TTPAL: variants seen among roughly 807,000 people sequenced by gnomAD.
TTPAL encodes the protein alpha-tocopherol transfer protein-like.
In TTPAL, 21 loss-of-function variants were observed where a neutral mutation model predicts 28.7. The ratio of observed to expected loss-of-function variants is 0.73; its 90% CI spans 0.52 to 1.06. The LOEUF (loss-of-function observed/expected upper bound fraction) is 1.06, where lower values mean the gene tolerates loss of function less well. TTPAL is among the 50% of genes least tolerant of loss of function. The pLI is 0.00. For missense variants in TTPAL, 345 were observed against 425.5 expected (o/e 0.81, Z 1.67); for synonymous variants, 169 against 171.9 (o/e 0.98, Z 0.13).
chr20:44,480,308 CAGCTGTAGAAGA>C lies in TTPAL; in HGVS notation c.315_326del (p.Cys105_Ser108del). On this transcript the variant is annotated inframe_deletion, in exon 2 of 5. Transcript: ENST00000262605. This position sits in a 1 kb window ranked among gnomAD's most constrained non-coding sequence, Gnocchi z 4.1. ...CCCTGCAGCTCCTCGTCAACTACCACAGCTGTAGAAGAAGCTGGCCCGAAGTCTTCAATAACT... is the reference window on the plus strand; with the variant it reads ...CCCTGCAGCTCCTCGTCAACTACCACAGCTGGCCCGAAGTCTTCAATAACT... 1 of 1,614,224 alleles carries C rather than the reference CAGCTGTAGAAGA, an allele frequency of 6.2e-7. No homozygotes were observed. The highest frequency in any genetic ancestry group is 2.2e-5 in the East Asian group (1 of 44,880).
At chr20:44,489,032 C>T (rs1040396212) in intron 4 of TTPAL, among the ~76,000 whole-genome samples, 5 of 152,078 alleles carry the variant, frequency 3.3e-5, no homozygotes, top group African/African-American at 7.3e-5. Flanking sequence ...GGTGGTGAGG[C>T]GGCTGGATCC....
At chr20:44,482,269 C>A (rs2064112369) in intron 2 of TTPAL, among the ~76,000 whole-genome samples, 1 of 152,128 alleles carries the variant, frequency 6.6e-6, no homozygotes, top group Non-Finnish European at 1.5e-5. Context: ...CATATCAGGT[C>A]AGGTGTGGTG....
intron 1 of TTPAL, chr20:44,478,638 A>T (rs1448207051): frequency 6.6e-6 from 1 of 152,262 alleles, no homozygotes; most frequent in African/African-American, 2.4e-5. Context: ...GTTCCAAGAG[A>T]TAACCATTGG....
Position 44,489,451 on chromosome 20 carries a change from C to A in TTPAL, c.939C>A (p.Gly313=), listed in dbSNP as rs2064184108. The A allele has an allele frequency of 1.9e-6, 3 of 1,614,210 alleles. No individual in the cohort carries two copies. Among genetic ancestry groups the A allele is most frequent in the Non-Finnish European group, 2.5e-6 (3 of 1,180,036 alleles). ...QPVPACDSIL[G]QTLLPEGLTS... is the part of the protein sequence containing the mutation. ...TTCCTGCCTGTGACAGCATCCTGGGCCAGACGCTGCTGCCCGAGGGCCTGA... is the reference window on the plus strand; with the variant it reads ...TTCCTGCCTGTGACAGCATCCTGGGACAGACGCTGCTGCCCGAGGGCCTGA... The change falls in exon 5 of 5, where the codon GGC becomes GGA. Residue 313 remains glycine (G), a synonymous_variant. Transcript: ENST00000262605.
chr20:44,481,236 C>T (rs2064102253), intron 2 of TTPAL, among the ~76,000 whole-genome samples: 1 of 152,144 alleles, frequency 6.6e-6, no homozygotes, highest in Admixed American at 6.6e-5. Context: ...CTCCCTGCCA[C>T]TAAAAGAGCA....
At chr20:44,478,541 G>A (rs1329445706) in intron 1 of TTPAL, 1 of 152,212 alleles carries the variant, frequency 6.6e-6, no homozygotes, top group East Asian at 1.9e-4. Flanking sequence ...CGACTGCCAC[G>A]ATAAGTTACA....
rs533871468 is a variant in TTPAL at position 44,493,541 on chromosome 20, G to T, written c.*4000G>T. 2.6e-5 allele frequency: 4 copies of T among 152,226 alleles called. No individual in the cohort carries two copies. Among genetic ancestry groups the T allele is most frequent in the African/African-American group, 9.7e-5 (4 of 41,396 alleles). 9.4% of individuals were successfully genotyped at this position (152,226 alleles called of 1,614,324 possible). On this transcript the variant is annotated 3_prime_UTR_variant, in exon 5 of 5. Coordinates refer to ENST00000262605, the MANE Select transcript of TTPAL (RefSeq NM_001039199.3). The stretch of plus-strand genomic sequence containing the variant: ...TTAAAGTTGCCAACATTTAATTAAG[G>T]TTTTCCTTTGAAGCCTCCTTTAATT...
intron 4 of TTPAL, among the ~76,000 whole-genome samples, chr20:44,488,831 T>C (rs2064176516): frequency 1.3e-5 from 2 of 152,018 alleles, no homozygotes; most frequent in South Asian, 4.1e-4. Context: ...TGAGGCTAGA[T>C]TATGATGGGC....
intron 1 of TTPAL, among the ~76,000 whole-genome samples, chr20:44,477,649 A>AT (rs1162500981): frequency 2.0e-5 from 3 of 151,340 alleles, no homozygotes; most frequent in African/African-American, 7.3e-5. Context: ...CTATCTATTT[A>AT]TTTATTTATT....
Position 44,489,467 on chromosome 20 carries a change from G to C in TTPAL, c.955G>C (p.Glu319Gln). The change falls in exon 5 of 5, where the codon GAG becomes CAG. Residue 319 changes from glutamate (E) to glutamine (Q), a missense_variant. Coordinates refer to ENST00000262605, the MANE Select transcript of TTPAL (RefSeq NM_001039199.3). The part of the protein sequence containing the change: ...DSILGQTLLP[E>Q]GLTSDAQCDD... ...CATCCTGGGCCAGACGCTGCTGCCC[G>C]AGGGCCTGACCTCAGATGCACAGTG... 1.2e-6 allele frequency: 2 copies of C among 1,614,188 alleles called. No homozygotes were observed. Among genetic ancestry groups the C allele is most frequent in the South Asian group, 2.2e-5 (2 of 91,074 alleles).
chr20:44,493,601 C>T lies in TTPAL; in HGVS notation c.*4060C>T, dbSNP rs1370474585. 2.6e-5 allele frequency: 4 copies of T among 152,344 alleles called. No individual in the cohort carries two copies. The highest frequency in any genetic ancestry group is 4.4e-5 in the Non-Finnish European group (3 of 68,044). The allele number at this position is 152,344 out of a possible 1,614,324, so 9.4% of individuals were successfully genotyped here. A position where few individuals can be genotyped will look rare whatever the true frequency, so the allele number is the denominator to read the frequency against. On this transcript the variant is annotated 3_prime_UTR_variant, in exon 5 of 5. Transcript: ENST00000262605. ...AAATGTTAGCTAAACCAATTATATA[C>T]TATATACTATACACTGTATCTCCTG...
chr20:44,493,911 G>C lies in TTPAL; in HGVS notation c.*4370G>C, dbSNP rs2064230574. 1 of 152,396 alleles carries C rather than the reference G, an allele frequency of 6.6e-6. No homozygotes were observed. Among genetic ancestry groups the C allele is most frequent in the Non-Finnish European group, 1.5e-5 (1 of 68,244 alleles). The allele number at this position is 152,396 out of a possible 1,614,324, so 9.4% of individuals were successfully genotyped here. A position where few individuals can be genotyped will look rare whatever the true frequency, so the allele number is the denominator to read the frequency against. ...AAATTAGCTGGGTGTGGTGGTGCGT[G>C]CCTGTAATCCCAACTACTTGGGAGG... is the stretch of plus-strand genomic sequence containing the variant. On this transcript the variant is annotated 3_prime_UTR_variant, in exon 5 of 5. Coordinates refer to ENST00000262605, the MANE Select transcript of TTPAL (RefSeq NM_001039199.3).
chr20:44,477,612 A>G (rs1240124103), intron 1 of TTPAL, among the ~76,000 whole-genome samples: 1 of 151,962 alleles, frequency 6.6e-6, no homozygotes, highest in African/African-American at 2.4e-5. Context: ...TGGTCCTTTT[A>G]AAATATATTT....
At chr20:44,487,911 G>A (rs2064167195) in intron 4 of TTPAL, among the ~76,000 whole-genome samples, 1 of 152,252 alleles carries the variant, frequency 6.6e-6, no homozygotes, top group South Asian at 2.1e-4. Context: ...TGGGATTACA[G>A]GCACGTGCCA....
chr20:44,479,399 G>GTTTTTTTTT (rs869123576), intron 1 of TTPAL, among the ~76,000 whole-genome samples: 2 of 81,564 alleles, frequency 2.5e-5, no homozygotes, highest in Non-Finnish European at 5.1e-5. Context: ...AATCTGAGTT[G>GTTTTTTTTT]TTTTTTTTTT....
chr20:44,477,677 T>A (rs1290078990), intron 1 of TTPAL, among the ~76,000 whole-genome samples: 1 of 149,506 alleles, frequency 6.7e-6, no homozygotes, highest in African/African-American at 2.5e-5. Context: ...TTATCTGAGA[T>A]AGCGTCTCGC....
intron 3 of TTPAL, 34 bp from the exon 4 acceptor site, chr20:44,486,562 A>G (rs1337443916): frequency 1.6e-6 from 2 of 1,288,948 alleles, no homozygotes; most frequent in East Asian, 2.3e-5. Context: ...AAGATTCTCC[A>G]GATGTTCTAA....
chr20:44,489,280 T>C lies in TTPAL; in HGVS notation c.768T>C (p.Ser256=). 3 of 1,613,886 alleles carry C rather than the reference T, an allele frequency of 1.9e-6. No individual in the cohort carries two copies. The highest frequency in any genetic ancestry group is 2.5e-6 in the Non-Finnish European group (3 of 1,179,752). Residue 256 remains serine, a synonymous_variant, in exon 5 of 5, where the codon TCT becomes TCC. Transcript: ENST00000262605. The part of the protein sequence containing the change: ...KIANRFFLHG[S]DLNSLHTNLP... ...CCTTTTAGTTCTTCCTCCATGGGTCTGACTTGAACTCTCTCCACACAAACC... is the reference window on the plus strand; with the variant it reads ...CCTTTTAGTTCTTCCTCCATGGGTCCGACTTGAACTCTCTCCACACAAACC...
intron 1 of TTPAL, among the ~76,000 whole-genome samples, chr20:44,479,084 C>T (rs925985459): frequency 1.3e-5 from 2 of 152,124 alleles, no homozygotes; most frequent in Non-Finnish European, 2.9e-5. Context: ...CCACCGCGCC[C>T]GGCCCCCTAA....
Sources: allele counts gnomAD v4.1 joint callset (sites outside exome capture counted in the v4.1 genomes callset), GRCh38; gene constraint gnomAD v4.1.1; non-coding constraint Gnocchi (gnomAD v3.1); transcripts MANE v1.5; gene names NCBI Gene and HGNC (gene_info 2026-07-23, HGNC 2026-07-21).